The following TRPS1 variants were observed in gnomAD, a reference collection of about 807,000 sequenced individuals.
The protein encoded by TRPS1 is zinc finger transcription factor Trps1.
Under a neutral mutation model 101.2 loss-of-function variants are expected in TRPS1, and 6 were observed. The ratio of observed to expected loss-of-function variants is 0.06; its 90% CI spans 0.03 to 0.12. TRPS1 has a LOEUF of 0.12. TRPS1 is among the 10% of genes least tolerant of loss of function. TRPS1 has a pLI of 1.00. For missense variants in TRPS1, 1,363 were observed against 1,567.0 expected, an observed-to-expected ratio of 0.87 and a Z score of 2.20; for synonymous variants, 578 against 589.8, an observed-to-expected ratio of 0.98 and a Z score of 0.29.
intron 1 of TRPS1, among the ~76,000 whole-genome samples, chr8:115,624,679 CT>C (rs1818466567): frequency 6.6e-6 from 1 of 151,800 alleles, no homozygotes. Context: ...AATGTGTTTA[CT>C]TTTATAAAAA....
intron 1 of TRPS1, among the ~76,000 whole-genome samples, chr8:115,629,782 A>G (rs540184172): frequency 1.6e-4 from 24 of 151,892 alleles, no homozygotes; most frequent in African/African-American, 5.8e-4. Flanking sequence ...GATCTATCCC[A>G]CATGCTCCTC....
intron 5 of TRPS1, among the ~76,000 whole-genome samples, chr8:115,454,686 T>C (rs1398396996): frequency 2.0e-5 from 3 of 152,192 alleles, no homozygotes; most frequent in Non-Finnish European, 4.4e-5. Context: ...ATGAAATTCA[T>C]AGAATTATTT....
At chr8:115,581,226 A>C (rs535137066) in intron 5 of TRPS1, among the ~76,000 whole-genome samples, 7 of 152,128 alleles carry the variant, frequency 4.6e-5, no homozygotes, top group Non-Finnish European at 1.0e-4. Context: ...AGAAACCAAA[A>C]ACGGAAGAGA....
intron 3 of TRPS1, among the ~76,000 whole-genome samples, chr8:115,617,885 T>C (rs1444829848): frequency 6.6e-6 from 1 of 152,206 alleles, no homozygotes; most frequent in African/African-American, 2.4e-5. Flanking sequence ...TAGAGAACTT[T>C]ACCAAGATGA....
intron 1 of TRPS1, among the ~76,000 whole-genome samples, chr8:115,644,223 C>G (rs1178981606): frequency 6.6e-6 from 1 of 152,174 alleles, no homozygotes; most frequent in East Asian, 1.9e-4. Context: ...GTCAGCCTGT[C>G]CTTTGAATGT....
intron 1 of TRPS1, among the ~76,000 whole-genome samples, chr8:115,662,190 C>G (rs1012901328): frequency 2.0e-5 from 3 of 152,020 alleles, no homozygotes; most frequent in Non-Finnish European, 4.4e-5. Context: ...TAAATCAAAA[C>G]TGTCAAATTT....
chr8:115,468,372 T>C (rs2130003200), intron 5 of TRPS1, among the ~76,000 whole-genome samples: 1 of 152,310 alleles, frequency 6.6e-6, no homozygotes, highest in Middle Eastern at 3.4e-3. Context: ...TAATTTCCCT[T>C]GCATATATGA....
At chr8:115,417,958 A>G (rs1387139188) in intron 6 of TRPS1, among the ~76,000 whole-genome samples, 1 of 152,150 alleles carries the variant, frequency 6.6e-6, no homozygotes. Context: ...AACATGACCG[A>G]GTCCTTTTTC....
At chr8:115,600,366 C>T (rs1438742699) in intron 4 of TRPS1, among the ~76,000 whole-genome samples, 1 of 152,150 alleles carries the variant, frequency 6.6e-6, no homozygotes, top group African/African-American at 2.4e-5. Flanking sequence ...GATTTATCTG[C>T]ATCTATCAAT....
At chr8:115,564,005 G>C (rs928945184) in intron 5 of TRPS1, among the ~76,000 whole-genome samples, 1 of 152,054 alleles carries the variant, frequency 6.6e-6, no homozygotes, top group Non-Finnish European at 1.5e-5. Flanking sequence ...ATTCTCACGA[G>C]AATCAGAGGT....
intron 5 of TRPS1, among the ~76,000 whole-genome samples, chr8:115,521,615 C>G (rs908458370): frequency 6.6e-6 from 1 of 151,760 alleles, no homozygotes; most frequent in African/African-American, 2.4e-5. Context: ...GTTATGATTG[C>G]TTTGAGAAGT....
At chr8:115,488,972 T>C (rs1263589609) in intron 5 of TRPS1, among the ~76,000 whole-genome samples, 1 of 152,170 alleles carries the variant, frequency 6.6e-6, no homozygotes, top group Non-Finnish European at 1.5e-5. Context: ...ACTTCTATTT[T>C]AAAAAAATTT....
chr8:115,615,870 T>C (rs552501949), intron 3 of TRPS1, among the ~76,000 whole-genome samples: 1 of 152,354 alleles, frequency 6.6e-6, no homozygotes, highest in South Asian at 2.1e-4. Flanking sequence ...CGAATACAGA[T>C]AGTAAATATT....
In TRPS1 at chr8:115,656,021, C is replaced by A. The variant is rs924758733; in HGVS notation, c.-122+12524G>T. ...GGAGACACCAAAATATTGTTAAATACACTCTACTAGCAACGGAAATAATGA... is the reference window on the plus strand; with the variant it reads ...GGAGACACCAAAATATTGTTAAATAAACTCTACTAGCAACGGAAATAATGA... On this transcript the variant is annotated intron_variant, in intron 1 of 6. Transcript: ENST00000395715. 4.6e-5 allele frequency among the ~76,000 whole-genome samples: 7 copies of A among 152,156 alleles called. 1 individual carries two copies. The highest frequency in any genetic ancestry group is 1.7e-4 in the African/African-American group (7 of 41,440).
At chr8:115,423,067 C>G (rs1200727900) in intron 5 of TRPS1, among the ~76,000 whole-genome samples, 10 of 152,180 alleles carry the variant, frequency 6.6e-5, no homozygotes, top group Non-Finnish European at 1.3e-4. Context: ...CCCTGAACTT[C>G]TCTAAGTTCA....
At position 115,414,713 on chromosome 8, in the gene TRPS1, A is replaced by T; in HGVS notation, c.3195T>A (p.Ser1065Arg). Reference sequence around the variant, plus strand: ...TTCCTTTCCCTTCAGATACGGATGAACTATTTCCTGGATCTCCAGTACTTT... The same window carrying T: ...TTCCTTTCCCTTCAGATACGGATGATCTATTTCCTGGATCTCCAGTACTTT... Reference protein sequence around the residue: ...PQESTGDPGNSSSVSEGKGSS... With the variant: ...PQESTGDPGNRSSVSEGKGSS... The change falls in exon 7 of 7, where the codon AGT becomes AGA. Residue 1065 changes from serine (S) to arginine (R), a missense_variant. This residue lies in a region of TRPS1 where 307 missense variants were observed against 392.4 expected (regional missense o/e 0.78). Coordinates refer to ENST00000395715, the MANE Select transcript of TRPS1 (RefSeq NM_014112.5). This position sits in a 1 kb window ranked among gnomAD's most constrained non-coding sequence, Gnocchi z 4.8. 12 of 1,614,062 alleles carry T rather than the reference A, an allele frequency of 7.4e-6. No individual in the cohort carries two copies. Among genetic ancestry groups the T allele is most frequent in the Non-Finnish European group, 1.0e-5 (12 of 1,179,946 alleles).
chr8:115,631,266 A>G (rs1818635246), intron 1 of TRPS1, among the ~76,000 whole-genome samples: 1 of 152,088 alleles, frequency 6.6e-6, no homozygotes, highest in African/African-American at 2.4e-5. Context: ...CTACCCCTCT[A>G]GACTGTGAAA....
chr8:115,535,058 T>TA (rs1487695152), intron 5 of TRPS1, among the ~76,000 whole-genome samples: 1 of 148,130 alleles, frequency 6.8e-6, no homozygotes, highest in African/African-American at 2.5e-5. Flanking sequence ...AGCATATGTA[T>TA]AGCATATATA....
intron 1 of TRPS1, among the ~76,000 whole-genome samples, chr8:115,651,529 C>T (rs1209732948): frequency 6.6e-6 from 1 of 152,168 alleles, no homozygotes; most frequent in Admixed American, 6.5e-5. Flanking sequence ...TAATGCAACA[C>T]TTTTGAGAAC....
Sources: gnomAD v4.1 joint callset for allele counts (sites outside exome capture counted in the v4.1 genomes callset) on GRCh38, gnomAD v4.1.1 for gene constraint, gnomAD v4.1.1 regional missense constraint, Gnocchi (gnomAD v3.1) non-coding constraint, MANE v1.5 for transcripts, NCBI Gene and HGNC (gene_info 2026-07-23, HGNC 2026-07-21) for gene names.